Variants in DNAH9 observed in about 807,000 individuals in gnomAD.
The protein encoded by DNAH9 is dynein axonemal heavy chain 9, also known as DNAH9 variant protein.
A neutral mutation model predicts 471.6 loss-of-function variants in DNAH9; 345 were observed. That is an observed-to-expected ratio of 0.73 (90% CI 0.67 to 0.80). DNAH9 has a LOEUF of 0.80. DNAH9 is among the 30% of genes least tolerant of loss of function. The probability of loss-of-function intolerance (pLI) is 0.00; values close to 1 mark genes in which losing one functional copy is unlikely to be tolerated. For missense variants in DNAH9, 5,407 were observed against 5,609.2 expected (o/e 0.96, Z 1.15); for synonymous variants, 2,093 against 2,123.6 (o/e 0.99, Z 0.40).
At chr17:11,716,979 G>A (rs1369367950) in intron 26 of DNAH9, among the ~76,000 whole-genome samples, 1 of 152,236 alleles carries the variant, frequency 6.6e-6, no homozygotes, top group Admixed American at 6.5e-5. Flanking sequence ...AAGAGCCCAG[G>A]AGGGCAGGTT....
At chr17:11,939,719 C>T (rs1363119641) in intron 66 of DNAH9, among the ~76,000 whole-genome samples, 3 of 152,058 alleles carry the variant, frequency 2.0e-5, no homozygotes, top group African/African-American at 7.2e-5. Context: ...AATTCTGTTC[C>T]CATGTTTACA....
In DNAH9 at chr17:11,756,583, A is replaced by C. The variant is rs1967397283; in HGVS notation, c.6754A>C (p.Ser2252Arg). The C allele has an allele frequency of 6.2e-7, 1 of 1,612,370 alleles. No individual in the cohort carries two copies. Among genetic ancestry groups the C allele is most frequent in the East Asian group, 2.2e-5 (1 of 44,864 alleles). Residue 2252 changes from serine to arginine, a missense_variant, in exon 34 of 69, where the codon AGC (serine) becomes CGC (arginine). Ser to Arg is a moderately radical substitution (Grantham distance 110). Around this residue, in one of 3 missense-constraint regions of DNAH9, gnomAD observed 4,636 missense variants for 4,900.3 expected, o/e 0.95. Transcript: ENST00000262442. The stretch of plus-strand genomic sequence containing the variant: ...TTGTCTCCAGGTGCTGACATTGGCC[A>C]GCAATGAGAGGATTCCTCTGAACCC... Reference protein sequence around the residue: ...MDDNKVLTLASNERIPLNPTM... With the variant: ...MDDNKVLTLARNERIPLNPTM...
At chr17:11,649,564 A>G (rs570942410) in intron 12 of DNAH9, among the ~76,000 whole-genome samples, 7 of 152,282 alleles carry the variant, frequency 4.6e-5, no homozygotes, top group East Asian at 1.9e-4. Context: ...CAGAAATGGA[A>G]TTTCTGGGCT....
At chr17:11,905,964 G>A (rs1267692693) in intron 61 of DNAH9, among the ~76,000 whole-genome samples, 155 bp downstream of exon 61, 1 of 152,160 alleles carries the variant, frequency 6.6e-6, no homozygotes, top group Non-Finnish European at 1.5e-5. Flanking sequence ...AAAATCAGAA[G>A]ATCACCCACC....
intron 14 of DNAH9, among the ~76,000 whole-genome samples, chr17:11,658,213 T>C (rs1248056847): frequency 3.3e-5 from 5 of 152,138 alleles, no homozygotes; most frequent in Non-Finnish European, 7.4e-5. Flanking sequence ...TTTGTAGTTT[T>C]AGTGTAGAAG....
intron 49 of DNAH9, among the ~76,000 whole-genome samples, chr17:11,852,128 T>A (rs1170163199): frequency 6.6e-6 from 1 of 152,210 alleles, no homozygotes; most frequent in East Asian, 1.9e-4. Flanking sequence ...GAAAGGAGCA[T>A]CTGCCACAGT....
intron 32 of DNAH9, among the ~76,000 whole-genome samples, chr17:11,750,866 CAAAG>C (rs1458502603): frequency 2.0e-5 from 3 of 151,682 alleles, no homozygotes; most frequent in South Asian, 2.1e-4. Flanking sequence ...AAACTAAACA[CAAAG>C]AAAATGACGG....
rs747069242 is a variant in DNAH9 at position 11,744,779 on chromosome 17, A to T, written c.6112-18A>T. ...GGTGTTCTGTCTCTCTGTCACTTTG[A>T]TCTAACACTGCCCACAGGATCACTA... On this transcript the variant is annotated intron_variant, in intron 30 of 68. Transcript: ENST00000262442. 48 of 1,601,738 alleles carry T rather than the reference A, an allele frequency of 3.0e-5. 2 individuals are homozygous for T. Among genetic ancestry groups the T allele is most frequent in the Non-Finnish European group, 3.5e-5 (41 of 1,172,752 alleles).
chr17:11,772,516 G>C (rs1471946938), intron 38 of DNAH9, among the ~76,000 whole-genome samples: 1 of 152,090 alleles, frequency 6.6e-6, no homozygotes, highest in East Asian at 1.9e-4. Flanking sequence ...AGGCTGGAGT[G>C]CAGTGGTGTA....
At chr17:11,836,319 T>TA (rs1361023997) in intron 49 of DNAH9, among the ~76,000 whole-genome samples, 1 of 152,220 alleles carries the variant, frequency 6.6e-6, no homozygotes, top group Non-Finnish European at 1.5e-5. Context: ...AGGCACATTG[T>TA]AAAATCCTAT....
rs918539365 is a variant in DNAH9 at position 11,854,164 on chromosome 17, C to T, written c.9669C>T (p.Asp3223=). Residue 3223 remains aspartate, a synonymous_variant, in exon 50 of 69, where the codon GAC becomes GAT. Coordinates refer to ENST00000262442, the MANE Select transcript of DNAH9 (RefSeq NM_001372.4). ...TGGCCAAAGTGGATGGCTTCCTGGA[C>T]TCGCTAATAAACTTCAACAAAGAGA... ...VTMAKVDGFL[D]SLINFNKENI... The T allele has an allele frequency of 3.1e-6, 5 of 1,614,036 alleles. No individual in the cohort carries two copies. The African/African-American group carries it at 6.7e-5, about 22-fold the overall frequency.
At chr17:11,676,275 CTTTTT>C (rs67397847) in intron 17 of DNAH9, among the ~76,000 whole-genome samples, 3 of 73,900 alleles carry the variant, frequency 4.1e-5, no homozygotes, top group Non-Finnish European at 5.2e-5. Context: ...CATTTCTGTT[CTTTTT>C]TTTTTTTTTT....
chr17:11,766,780 T>C (rs1967957931), intron 36 of DNAH9, among the ~76,000 whole-genome samples: 2 of 152,150 alleles, frequency 1.3e-5, no homozygotes, highest in South Asian at 4.1e-4. Context: ...CTGGACAATA[T>C]GGTGAAACCC....
intron 7 of DNAH9, among the ~76,000 whole-genome samples, chr17:11,631,057 G>A (rs922584302): frequency 6.6e-6 from 1 of 152,100 alleles, no homozygotes; most frequent in Non-Finnish European, 1.5e-5. Flanking sequence ...CACAGCCTGG[G>A]TTTTCTGATC....
At chr17:11,640,945 GGTTAGAAGCTGA>G (rs1270901000) in intron 10 of DNAH9, among the ~76,000 whole-genome samples, 2 of 152,148 alleles carry the variant, frequency 1.3e-5, no homozygotes, top group Non-Finnish European at 2.9e-5. Flanking sequence ...TCATAGCTGA[GGTTAGAAGCTGA>G]GATAGAAGCA....
At chr17:11,768,875 C>G (rs2150877244) in intron 37 of DNAH9, among the ~76,000 whole-genome samples, 1 of 152,174 alleles carries the variant, frequency 6.6e-6, no homozygotes, top group Admixed American at 6.5e-5. Context: ...TTAGAGAGGC[C>G]ACAGAGAAAG....
intron 27 of DNAH9, among the ~76,000 whole-genome samples, chr17:11,725,346 A>C (rs2075132991): frequency 6.6e-6 from 1 of 152,104 alleles, no homozygotes; most frequent in Admixed American, 6.5e-5. Context: ...GGACTTTATC[A>C]CTGTCTGATT....
chr17:11,695,694 G>A (rs576038206), intron 22 of DNAH9, among the ~76,000 whole-genome samples: 24 of 152,316 alleles, frequency 1.6e-4, no homozygotes, highest in Non-Finnish European at 2.9e-5. Context: ...AAGGCTTGTC[G>A]AAGTACAGAT....
At chr17:11,653,997 C>T (rs1407137353) in intron 14 of DNAH9, among the ~76,000 whole-genome samples, 1 of 151,938 alleles carries the variant, frequency 6.6e-6, no homozygotes, top group African/African-American at 2.4e-5. Context: ...AAGATATAGT[C>T]CCCGCTTTGA....
Sources: gnomAD v4.1 joint callset for allele counts (sites outside exome capture counted in the v4.1 genomes callset) on GRCh38, gnomAD v4.1.1 for gene constraint, gnomAD v4.1.1 regional missense constraint, MANE v1.5 for transcripts, NCBI Gene and HGNC (gene_info 2026-07-23, HGNC 2026-07-21) for gene names.